HBP1: variants seen among roughly 807,000 people sequenced by gnomAD.
HBP1 encodes HMG box-containing protein 1.
HBP1 carries 20 observed loss-of-function variants against 62.6 expected under a neutral mutation model. The observed-to-expected ratio is 0.32, with a 90% CI of 0.22 to 0.46. HBP1 has a LOEUF of 0.46. Ranked by LOEUF, HBP1 falls within the 20% of genes least tolerant of loss-of-function variation. HBP1 has a pLI of 1.00. For synonymous variants in HBP1, 232 were observed against 206.2 expected, an observed-to-expected ratio of 1.12 and a Z score of -1.07; for missense variants, 480 against 611.8, an observed-to-expected ratio of 0.78 and a Z score of 2.27.
rs574975463 is a variant in HBP1 at position 107,179,551 on chromosome 7, A to G, written c.-15-328A>G. The stretch of plus-strand genomic sequence containing the variant: ...CTCTGGGAGGCCCAGGTGGGCGGAT[A>G]TCTTGAGGTCAGGAGTTCAAGACCA... On this transcript the variant is annotated intron_variant, in intron 1 of 10. Transcript: ENST00000222574. 2.0e-3 allele frequency: 330 copies of G among 161,942 alleles called. 1 individual carries two copies. The highest frequency in any genetic ancestry group is 9.6e-3 in the Middle Eastern group (3 of 312). The allele number at this position is 161,942 out of a possible 1,614,324, so 10.0% of individuals were successfully genotyped here.
intron 6 of HBP1, among the ~76,000 whole-genome samples, chr7:107,187,085 T>A (rs2115905857): frequency 6.6e-6 from 1 of 152,190 alleles, no homozygotes; most frequent in African/African-American, 2.4e-5. Flanking sequence ...ACCCCACCTC[T>A]ACTAAAAATA....
intron 8 of HBP1, among the ~76,000 whole-genome samples, chr7:107,194,224 AGAT>A (rs1408486539): frequency 2.0e-5 from 3 of 152,216 alleles, no homozygotes; most frequent in African/African-American, 7.2e-5. Context: ...TAATGGAAGT[AGAT>A]GATAAGTTAT....
At chr7:107,174,736 C>A in intron 1 of HBP1, 1 of 981,366 alleles carries the variant, frequency 1.0e-6, no homozygotes, top group Non-Finnish European at 1.2e-6. Context: ...TTCTAAATTT[C>A]ATAATAAAGG....
chr7:107,197,831 GTGAC>G (rs1441786629), intron 9 of HBP1, among the ~76,000 whole-genome samples: 7 of 152,188 alleles, frequency 4.6e-5, no homozygotes, highest in East Asian at 1.9e-4. Flanking sequence ...GTCTACTTCT[GTGAC>G]TGACTTTTAG....
chr7:107,190,884 T>C (rs1797620130), intron 8 of HBP1, among the ~76,000 whole-genome samples: 1 of 152,206 alleles, frequency 6.6e-6, no homozygotes, highest in Admixed American at 6.5e-5. Flanking sequence ...AGAACCCATG[T>C]GTCCTGACTC....
chr7:107,187,481 A>G (rs1797448263), intron 6 of HBP1, among the ~76,000 whole-genome samples: 1 of 152,200 alleles, frequency 6.6e-6, no homozygotes, highest in Non-Finnish European at 1.5e-5. Context: ...TCACTTTGAA[A>G]TTTTTAATTT....
intron 8 of HBP1, among the ~76,000 whole-genome samples, chr7:107,194,559 A>T (rs1797796054): frequency 1.3e-5 from 2 of 152,248 alleles, no homozygotes; most frequent in South Asian, 4.1e-4. Context: ...GATAAGTGGT[A>T]GAAGTCATTT....
At chr7:107,171,391 G>T (rs375891874) in intron 1 of HBP1, among the ~76,000 whole-genome samples, 6 of 151,778 alleles carry the variant, frequency 4.0e-5, no homozygotes, top group East Asian at 3.9e-4. Flanking sequence ...AACTTCTTTG[G>T]ATTCTTTCCT....
chr7:107,177,099 A>G (rs1443022823), intron 1 of HBP1, among the ~76,000 whole-genome samples: 1 of 152,200 alleles, frequency 6.6e-6, no homozygotes, highest in Non-Finnish European at 1.5e-5. Context: ...TATGTTTAAT[A>G]TTGCCCTATG....
intron 8 of HBP1, among the ~76,000 whole-genome samples, chr7:107,195,341 T>C (rs2115973991): frequency 6.6e-6 from 1 of 152,340 alleles, no homozygotes; most frequent in Middle Eastern, 3.4e-3. Context: ...TTTAGCCACA[T>C]TTAACAGCTT....
intron 2 of HBP1, among the ~76,000 whole-genome samples, 190 bp downstream of exon 2, chr7:107,180,252 T>C (rs989405020): frequency 7.9e-5 from 12 of 152,264 alleles, no homozygotes; most frequent in Admixed American, 2.0e-4. Context: ...CTATTTATGG[T>C]TATTGTAGAC....
intron 1 of HBP1, among the ~76,000 whole-genome samples, chr7:107,177,492 T>C (rs568987459): frequency 6.6e-6 from 1 of 152,242 alleles, no homozygotes; most frequent in Non-Finnish European, 1.5e-5. Context: ...AAGAACGCTG[T>C]ATCTAGCAAT....
chr7:107,201,106 GGTCA>G (rs527363581), intron 10 of HBP1: 114 of 251,610 alleles, frequency 4.5e-4, no homozygotes, highest in South Asian at 3.2e-3. Flanking sequence ...TAAAAATAGT[GGTCA>G]GTCAGTAGTC....
At position 107,182,415 on chromosome 7, in the gene HBP1, A is replaced by G. The variant is rs963339708; in HGVS notation, c.212A>G (p.Gln71Arg). ...ELQAVQSDPT[Q>R]SGMYQLSSDV... ...CAGGCAGTTCAAAGTGATCCTACCC[A>G]ATCTGGCATGTACCAGCTGAGTTCA... Residue 71 changes from glutamine (Q) to arginine (R), a missense_variant, in exon 3 of 11, where the codon CAA becomes CGA. This residue lies in a region of HBP1 where 304 missense variants were observed against 330.9 expected (regional missense o/e 0.92). Coordinates refer to ENST00000222574, the MANE Select transcript of HBP1 (RefSeq NM_012257.4). 8.7e-6 allele frequency: 14 copies of G among 1,613,660 alleles called. No homozygotes were observed. Among genetic ancestry groups the G allele is most frequent in the Non-Finnish European group, 1.2e-5 (14 of 1,179,556 alleles).
intron 3 of HBP1, among the ~76,000 whole-genome samples, chr7:107,185,039 C>A (rs887485624): frequency 7.9e-5 from 12 of 152,226 alleles, no homozygotes; most frequent in African/African-American, 1.9e-4. Context: ...TCTGTTACCC[C>A]ACCCATGAAT....
chr7:107,189,184 T>C, intron 6 of HBP1, 108 bp from the exon 7 acceptor site: 1 of 860,594 alleles, frequency 1.2e-6, no homozygotes, highest in Non-Finnish European at 1.8e-6. Flanking sequence ...GCAGGGATCC[T>C]GTCTTGGTTA....
In HBP1 at chr7:107,171,073, A is replaced by ATATATTTTT; in HGVS notation, c.-16+1889_-16+1890insATATTTTTT. On this transcript the variant is annotated intron_variant, in intron 1 of 10. Transcript: ENST00000222574. Reference sequence around the variant, plus strand: ...TATATATATATATATATATATATATATTTTTTTTTTTTTTTGAGAGGGAGT... The same window carrying ATATATTTTT: ...TATATATATATATATATATATATATATATATTTTTTTTTTTTTTTTTTTTGAGAGGGAGT... Among the ~76,000 whole-genome samples, 143 of 87,198 alleles carry ATATATTTTT rather than the reference A, an allele frequency of 1.6e-3. 21 individuals carry two copies. The highest frequency in any genetic ancestry group is 8.7e-3 in the African/African-American group (132 of 15,122). 57.2% of individuals were successfully genotyped at this position (87,198 alleles called of 152,430 possible).
Position 107,201,354 on chromosome 7 carries a change from A to G in HBP1, c.1528-60A>G. ...ACATCTTATACATCTTAGCTTTCAT[A>G]TATAGGATTACTATGTATTGATTTG... is the stretch of plus-strand genomic sequence containing the variant. On this transcript the variant is annotated intron_variant, in intron 10 of 10. Transcript: ENST00000222574. The G allele has an allele frequency of 4.0e-6, 4 of 997,158 alleles. No individual in the cohort carries two copies. The South Asian group carries it at 5.7e-5, about 14-fold the overall frequency. The allele number at this position is 997,158 out of a possible 1,614,324, so 61.8% of individuals were successfully genotyped here.
intron 9 of HBP1, among the ~76,000 whole-genome samples, chr7:107,197,546 A>G (rs937274135): frequency 2.6e-5 from 4 of 151,752 alleles, no homozygotes; most frequent in African/African-American, 9.7e-5. Flanking sequence ...TTTTTTGCAT[A>G]TTTAGTAGAC....
Sources: allele counts gnomAD v4.1 joint callset (sites outside exome capture counted in the v4.1 genomes callset), GRCh38; gene constraint gnomAD v4.1.1; regional missense constraint gnomAD v4.1.1; transcripts MANE v1.5; gene names NCBI Gene and HGNC (gene_info 2026-07-23, HGNC 2026-07-21).